TAFA4: variants seen among roughly 807,000 people sequenced by gnomAD.
TAFA4 encodes TAFA chemokine like family member 4, also known as chemokine-like protein TAFA-4.
A neutral mutation model predicts 21.1 loss-of-function variants in TAFA4; 20 were observed. The observed-to-expected ratio is 0.95, with a 90% confidence interval of 0.67 to 1.38. TAFA4 has a LOEUF of 1.38. Ranked by LOEUF, TAFA4 falls within the 40% of genes most tolerant of loss-of-function variation. The pLI is 0.00. For synonymous variants in TAFA4, 71 were observed against 67.4 expected (o/e 1.05, Z -0.26); for missense variants, 211 against 180.9 (o/e 1.17, Z -0.95).
At chr3:68,734,471 G>T (rs1426199301) in intron 5 of TAFA4, among the ~76,000 whole-genome samples, 1 of 151,864 alleles carries the variant, frequency 6.6e-6, no homozygotes, top group Non-Finnish European at 1.5e-5. Flanking sequence ...AAGGTTGAAG[G>T]AGGAGAGGAA....
chr3:68,762,632 C>G (rs774771540), intron 3 of TAFA4, among the ~76,000 whole-genome samples: 46 of 152,200 alleles, frequency 3.0e-4, no homozygotes, highest in Non-Finnish European at 4.3e-4. Flanking sequence ...TAAAACTAGT[C>G]CCCACTCAAC....
chr3:68,827,591 G>A (rs571069381), intron 3 of TAFA4, among the ~76,000 whole-genome samples: 1 of 152,336 alleles, frequency 6.6e-6, no homozygotes, highest in East Asian at 1.9e-4. Context: ...ACTGGCAAGA[G>A]ATGGTATCTC....
intron 3 of TAFA4, among the ~76,000 whole-genome samples, chr3:68,817,058 A>G (rs1703995289): frequency 6.6e-6 from 1 of 152,216 alleles, no homozygotes; most frequent in Non-Finnish European, 1.5e-5. Context: ...CTTTCATGAA[A>G]GATTTCTCTG....
At chr3:68,805,246 A>G (rs528053119) in intron 3 of TAFA4, among the ~76,000 whole-genome samples, 2 of 152,356 alleles carry the variant, frequency 1.3e-5, no homozygotes, top group African/African-American at 4.8e-5. Flanking sequence ...AATCAAAACC[A>G]CAATGAGATA....
At chr3:68,875,044 CA>C (rs1445644266) in intron 3 of TAFA4, among the ~76,000 whole-genome samples, 2 of 152,204 alleles carry the variant, frequency 1.3e-5, no homozygotes, top group East Asian at 1.9e-4. Context: ...TTTTAGCATT[CA>C]AAAAGCTGAG....
intron 3 of TAFA4, among the ~76,000 whole-genome samples, chr3:68,809,942 T>A (rs1477654179): frequency 6.6e-6 from 1 of 152,218 alleles, no homozygotes; most frequent in Non-Finnish European, 1.5e-5. Context: ...TTTACGCCAG[T>A]ACCAGGTTGT....
chr3:68,917,767 A>AAAAAAAAAAC, intron 1 of TAFA4, among the ~76,000 whole-genome samples: 1 of 151,140 alleles, frequency 6.6e-6, no homozygotes, highest in African/African-American at 2.4e-5. Flanking sequence ...AAAAAAAAAA[A>AAAAAAAAAAC]AAAAAAGAAA....
At chr3:68,881,553 G>A (rs2089618454) in intron 2 of TAFA4, among the ~76,000 whole-genome samples, 2 of 152,162 alleles carry the variant, frequency 1.3e-5, no homozygotes, top group Non-Finnish European at 2.9e-5. Context: ...TATAACATCA[G>A]AAGGGAATTA....
chr3:68,800,995 C>T (rs994582785), intron 3 of TAFA4, among the ~76,000 whole-genome samples: 1 of 152,098 alleles, frequency 6.6e-6, no homozygotes. Context: ...TGCTCCAAAG[C>T]TAGTTAGGCT....
At chr3:68,841,560 AT>A (rs954095162) in intron 3 of TAFA4, among the ~76,000 whole-genome samples, 4 of 151,128 alleles carry the variant, frequency 2.6e-5, no homozygotes, top group Admixed American at 1.3e-4. Context: ...TTTTTTTCTG[AT>A]TTTTTTTTAA....
chr3:68,894,560 C>A (rs920566487), intron 1 of TAFA4, among the ~76,000 whole-genome samples: 1 of 152,188 alleles, frequency 6.6e-6, no homozygotes, highest in African/African-American at 2.4e-5. Flanking sequence ...TCAGCGCTGG[C>A]ATTATACTGG....
chr3:68,880,831 G>T lies in TAFA4; in HGVS notation c.29C>A (p.Ala10Asp). Residue 10 changes from alanine (A) to aspartate (D), a missense_variant, in exon 3 of 6, where the codon GCT becomes GAT. By Grantham distance (126) the Ala-to-Asp change is moderately radical. Coordinates refer to ENST00000295569, the MANE Select transcript of TAFA4 (RefSeq NM_182522.5). MRSPRMRVC[A>D]KSVLLSHWLF... Reference sequence around the variant, plus strand: ...CCAGTGCGACAGCAACACTGACTTAGCACAGACTCTCATCCTGGAGGAAAA... The same window carrying T: ...CCAGTGCGACAGCAACACTGACTTATCACAGACTCTCATCCTGGAGGAAAA... 1 of 1,613,358 alleles carries T rather than the reference G, an allele frequency of 6.2e-7. No homozygotes were observed. Among genetic ancestry groups the T allele is most frequent in the Non-Finnish European group, 8.5e-7 (1 of 1,179,840 alleles).
At chr3:68,757,946 T>C (rs1333372138) in intron 3 of TAFA4, among the ~76,000 whole-genome samples, 1 of 152,302 alleles carries the variant, frequency 6.6e-6, no homozygotes, top group Middle Eastern at 3.4e-3. Context: ...GTTACAAATA[T>C]CCTGTGCAAT....
chr3:68,753,089 G>C, intron 3 of TAFA4, 71 bp from the exon 4 acceptor site: 7 of 1,425,786 alleles, frequency 4.9e-6, no homozygotes, highest in Non-Finnish European at 6.8e-6. Flanking sequence ...AAACCAAAAT[G>C]ATGCTATGAT....
At chr3:68,873,785 CTT>C (rs889342249) in intron 3 of TAFA4, among the ~76,000 whole-genome samples, 10 of 152,158 alleles carry the variant, frequency 6.6e-5, no homozygotes, top group African/African-American at 2.4e-4. Context: ...GCAAAGGAGA[CTT>C]TTCCAAAATC....
intron 1 of TAFA4, among the ~76,000 whole-genome samples, chr3:68,897,551 G>A (rs1266076759): frequency 3.3e-5 from 5 of 151,818 alleles, no homozygotes; most frequent in Admixed American, 2.0e-4. Flanking sequence ...GCTTGAACCC[G>A]GGAGGCAGAG....
At chr3:68,752,691 A>G (rs1157843604) in intron 4 of TAFA4, among the ~76,000 whole-genome samples, 172 bp downstream of exon 4, 1 of 152,210 alleles carries the variant, frequency 6.6e-6, no homozygotes, top group African/African-American at 2.4e-5. Context: ...TATTGAAGGC[A>G]TATCTTACCA....
intron 3 of TAFA4, among the ~76,000 whole-genome samples, chr3:68,865,653 G>C (rs538164868): frequency 1.3e-5 from 2 of 152,066 alleles, no homozygotes; most frequent in African/African-American, 4.8e-5. Context: ...CTTCATAGCA[G>C]TATGAAAATG....
chr3:68,806,730 G>A (rs1703708194), intron 3 of TAFA4, among the ~76,000 whole-genome samples: 1 of 152,050 alleles, frequency 6.6e-6, no homozygotes, highest in Non-Finnish European at 1.5e-5. Context: ...TGCAATCAGT[G>A]CCCTTATAGG....
Sources: allele counts gnomAD v4.1 joint callset (sites outside exome capture counted in the v4.1 genomes callset), GRCh38; gene constraint gnomAD v4.1.1; transcripts MANE v1.5; gene names NCBI Gene and HGNC (gene_info 2026-07-23, HGNC 2026-07-21).